Variants in SRPK2 observed in about 807,000 individuals in gnomAD.
SRPK2 encodes SFRS protein kinase 2.
SRPK2 carries 21 observed loss-of-function variants against 90.8 expected under a neutral mutation model. That is an observed-to-expected ratio of 0.23 (90% confidence interval 0.16 to 0.33). The LOEUF (loss-of-function observed/expected upper bound fraction) is 0.33. Ranked by LOEUF, SRPK2 falls within the 10% of genes least tolerant of loss-of-function variation. The probability of loss-of-function intolerance (pLI) is 1.00; values close to 1 mark genes in which losing one functional copy is unlikely to be tolerated. For missense variants in SRPK2, 620 were observed against 869.0 expected (o/e 0.71, Z 3.60); for synonymous variants, 288 against 311.1 (o/e 0.93, Z 0.78).
At chr7:105,338,339 G>A (rs1200942078) in intron 2 of SRPK2, among the ~76,000 whole-genome samples, 1 of 152,142 alleles carries the variant, frequency 6.6e-6, no homozygotes, top group African/African-American at 2.4e-5. Flanking sequence ...CAGCTCAAGC[G>A]ATTCTCCTGC....
chr7:105,164,576 T>C lies in SRPK2; in HGVS notation c.514+2801A>G, dbSNP rs183746045. Among the ~76,000 whole-genome samples, 67 of 152,364 alleles carry C rather than the reference T, an allele frequency of 4.4e-4. No individual in the cohort carries two copies. The East Asian group carries it at 0.011, about 24-fold the overall frequency. On this transcript the variant is annotated intron_variant, in intron 6 of 15. Coordinates refer to ENST00000393651, the MANE Select transcript of SRPK2 (RefSeq NM_182692.3). ...TTGGGGAGCAACTAAATGGCTGATA[T>C]GATTGTTTACAAAAGTGTCTTGAAC... is the stretch of plus-strand genomic sequence containing the variant.
chr7:105,351,520 C>T (rs1450319510), intron 2 of SRPK2, among the ~76,000 whole-genome samples: 1 of 151,068 alleles, frequency 6.6e-6, no homozygotes, highest in Non-Finnish European at 1.5e-5. Context: ...AATAAATCAC[C>T]GGCCGGGCGC....
intron 2 of SRPK2, among the ~76,000 whole-genome samples, chr7:105,336,142 T>G (rs985395956): frequency 4.6e-5 from 7 of 152,232 alleles, no homozygotes; most frequent in Admixed American, 4.6e-4. Flanking sequence ...ATTGATTTGT[T>G]GCCACCTACT....
At chr7:105,158,790 T>C (rs1806953911) in intron 7 of SRPK2, among the ~76,000 whole-genome samples, 1 of 151,860 alleles carries the variant, frequency 6.6e-6, no homozygotes, top group Non-Finnish European at 1.5e-5. Context: ...CAATATGGTT[T>C]TATTTTTTTG....
upstream of SRPK2, among the ~76,000 whole-genome samples, chr7:105,390,098 T>C (rs1270842167): frequency 6.6e-6 from 1 of 152,250 alleles, no homozygotes; most frequent in Admixed American, 6.5e-5. Flanking sequence ...TGGTTTATTT[T>C]GCTGAATCAC....
chr7:105,289,594 T>TA (rs932950834), intron 2 of SRPK2, among the ~76,000 whole-genome samples: 5 of 152,186 alleles, frequency 3.3e-5, no homozygotes, highest in Non-Finnish European at 7.3e-5. Context: ...AAAGTGATCA[T>TA]AAAAATATAA....
chr7:105,195,480 A>G (rs1794806616), intron 3 of SRPK2, among the ~76,000 whole-genome samples: 2 of 152,228 alleles, frequency 1.3e-5, no homozygotes, highest in Non-Finnish European at 2.9e-5. Context: ...CTTCACCACA[A>G]ATTTCTCACA....
chr7:105,385,474 A>C (rs1416845560), intron 2 of SRPK2, among the ~76,000 whole-genome samples: 1 of 151,494 alleles, frequency 6.6e-6, no homozygotes, highest in Non-Finnish European at 1.5e-5. Context: ...CCGCGCCCGG[A>C]CAGCAGCCCT....
chr7:105,370,001 T>A (rs1819518943), intron 2 of SRPK2, among the ~76,000 whole-genome samples: 1 of 149,030 alleles, frequency 6.7e-6, no homozygotes, highest in South Asian at 2.1e-4. Flanking sequence ...CACTCCAGCC[T>A]GGGCAACAAG....
In SRPK2 at chr7:105,305,422, T is replaced by A. The variant is rs567092605; in HGVS notation, c.71+83226A>T. On this transcript the variant is annotated intron_variant, in intron 2 of 15. Transcript: ENST00000393651. ...GACTGTGCCACACAGTCTCGCACAA[T>A]AGAGCGAGACTCTGTCACAAAAAAA... Among the ~76,000 whole-genome samples, 14 of 151,652 alleles carry A rather than the reference T, an allele frequency of 9.2e-5. No individual in the cohort carries two copies. In the East Asian group the frequency reaches 2.7e-3, roughly 30 times the overall value.
At chr7:105,314,761 T>C (rs1199605085) in intron 2 of SRPK2, among the ~76,000 whole-genome samples, 2 of 152,230 alleles carry the variant, frequency 1.3e-5, no homozygotes, top group East Asian at 1.9e-4. Context: ...TGAATGCTCA[T>C]AGGTGTATAG....
intron 2 of SRPK2, among the ~76,000 whole-genome samples, chr7:105,331,782 G>C (rs193139996): frequency 2.0e-5 from 3 of 152,230 alleles, no homozygotes; most frequent in African/African-American, 7.2e-5. Flanking sequence ...ATCTCCAAGG[G>C]AACACGAACT....
chr7:105,341,452 C>T (rs1361278073), intron 2 of SRPK2, among the ~76,000 whole-genome samples: 2 of 151,004 alleles, frequency 1.3e-5, no homozygotes, highest in East Asian at 2.0e-4. Context: ...GCAGCTGGAT[C>T]GCTTGAGGCC....
intron 2 of SRPK2, among the ~76,000 whole-genome samples, chr7:105,359,906 G>C (rs796592685): frequency 1.4e-4 from 22 of 152,326 alleles, no homozygotes; most frequent in African/African-American, 5.3e-4. Context: ...GCTTGGTGCA[G>C]AGCTGAGTTC....
At chr7:105,370,317 C>T (rs1168499880) in intron 2 of SRPK2, among the ~76,000 whole-genome samples, 1 of 152,172 alleles carries the variant, frequency 6.6e-6, no homozygotes, top group African/African-American at 2.4e-5. Context: ...CTGCCCAACA[C>T]ACACAGTCCA....
intron 2 of SRPK2, among the ~76,000 whole-genome samples, chr7:105,219,618 C>T (rs1052319848): frequency 2.6e-5 from 4 of 152,166 alleles, no homozygotes; most frequent in South Asian, 2.1e-4. Context: ...TTAGTCCCTA[C>T]GTACTTAGTA....
chr7:105,338,403 G>T (rs1432052732), intron 2 of SRPK2, among the ~76,000 whole-genome samples: 1 of 152,064 alleles, frequency 6.6e-6, no homozygotes, highest in Non-Finnish European at 1.5e-5. Context: ...CACCACCACG[G>T]CTGACTGATT....
At chr7:105,370,531 T>C (rs1439728593) in intron 2 of SRPK2, among the ~76,000 whole-genome samples, 1 of 152,166 alleles carries the variant, frequency 6.6e-6, no homozygotes, top group African/African-American at 2.4e-5. Flanking sequence ...GAAAAATATT[T>C]ACATTAATAA....
chr7:105,380,573 G>C (rs1820826410), intron 2 of SRPK2, among the ~76,000 whole-genome samples: 1 of 147,764 alleles, frequency 6.8e-6, no homozygotes, highest in Non-Finnish European at 1.5e-5. Flanking sequence ...GCCCAGGCTG[G>C]AGTGCAGTGG....
Sources: gnomAD v4.1 joint callset for allele counts (sites outside exome capture counted in the v4.1 genomes callset) on GRCh38, gnomAD v4.1.1 for gene constraint, MANE v1.5 for transcripts, NCBI Gene and HGNC (gene_info 2026-07-23, HGNC 2026-07-21) for gene names.